The following C7 variants were observed in gnomAD, a reference collection of about 807,000 sequenced individuals.
The protein encoded by C7 is complement component C7.
Under a neutral mutation model 104.8 loss-of-function variants are expected in C7, and 83 were observed. The observed-to-expected ratio is 0.79, with a 90% CI of 0.66 to 0.95. The LOEUF is 0.95. Ranked by LOEUF, C7 falls within the 40% of genes least tolerant of loss-of-function variation. C7 has a pLI of 0.00. For missense variants in C7, 1,070 were observed against 1,011.2 expected, an observed-to-expected ratio of 1.06 and a Z score of -0.79; for synonymous variants, 415 against 360.6, an observed-to-expected ratio of 1.15 and a Z score of -1.71.
intron 1 of C7, among the ~76,000 whole-genome samples, chr5:40,913,274 GT>G (rs1739248293): frequency 4.6e-5 from 7 of 152,134 alleles, no homozygotes; most frequent in Admixed American, 4.6e-4. Flanking sequence ...ACGAGTACGG[GT>G]ATCTTTCTGA....
In C7 at chr5:40,979,887, C is replaced by A; in HGVS notation, c.2328C>A (p.Cys776Ter). 6.3e-7 allele frequency: 1 copy of A among 1,591,024 alleles called. No homozygotes were observed. The highest frequency in any genetic ancestry group is 8.6e-7 in the Non-Finnish European group (1 of 1,166,110). The change falls in exon 17 of 18, where the codon TGC becomes TGA. Residue 776 changes from cysteine (C) to a stop codon, truncating the protein, a stop_gained. Coordinates refer to ENST00000313164, the MANE Select transcript of C7 (RefSeq NM_000587.4). LOFTEE classifies it low-confidence loss of function (END_TRUNC). ...CAGCTGAGAAAGCTTGTGGTGCCTGCCCACTGTGGGGAAAATGTGATGGTA... is the reference window on the plus strand; with the variant it reads ...CAGCTGAGAAAGCTTGTGGTGCCTGACCACTGTGGGGAAAATGTGATGGTA... Reference protein sequence around the residue: ...PASAEKACGACPLWGKCDAES... With the variant: ...PASAEKACGA
chr5:40,933,234 A>G (rs1395475426), intron 3 of C7, among the ~76,000 whole-genome samples: 2 of 152,122 alleles, frequency 1.3e-5, no homozygotes, highest in African/African-American at 4.8e-5. Context: ...CCCTCATGCC[A>G]AGGAATTCCC....
chr5:40,936,973 T>C (rs1263937982), intron 5 of C7, among the ~76,000 whole-genome samples: 1 of 152,120 alleles, frequency 6.6e-6, no homozygotes, highest in South Asian at 2.1e-4. Flanking sequence ...GGTTGGAAAA[T>C]ACTGTGTTTA....
Position 40,934,365 on chromosome 5 carries a change from G to A in C7, c.179G>A (p.Gly60Asp), listed in dbSNP as rs753515748. 3.1e-6 allele frequency: 5 copies of A among 1,613,606 alleles called. No individual in the cohort carries two copies. The highest frequency in any genetic ancestry group is 3.3e-5 in the Admixed American group (2 of 59,966). Residue 60 changes from glycine (G) to aspartate (D), a missense_variant, in exon 4 of 18, where the codon GGC (glycine) becomes GAC (aspartate). Coordinates refer to ENST00000313164, the MANE Select transcript of C7 (RefSeq NM_000587.4). Reference sequence around the variant, plus strand: ...GTTGCTGTGTATGGGCAGTATGGAGGCCAGCCTTGTGTTGGAAATGCTTTT... The same window carrying A: ...GTTGCTGTGTATGGGCAGTATGGAGACCAGCCTTGTGTTGGAAATGCTTTT... ...RSVAVYGQYGGQPCVGNAFET... is the reference protein window; with the variant it reads ...RSVAVYGQYGDQPCVGNAFET...
rs557269787 is a variant in C7, at chr5:40,955,435, G to T, written c.1142G>T (p.Gly381Val). Reference protein sequence around the residue: ...LRGEPFIRGGGAGFISGLSYL... With the variant: ...LRGEPFIRGGVAGFISGLSYL... The stretch of plus-strand genomic sequence containing the variant: ...GGAGAACCGTTCATCAGAGGGGGAG[G>T]TGCAGGCTTCATATCTGGCCTTAGT... Residue 381 changes from glycine (G) to valine (V), a missense_variant, in exon 10 of 18, where the codon GGT becomes GTT. Coordinates refer to ENST00000313164, the MANE Select transcript of C7 (RefSeq NM_000587.4). The T allele has an allele frequency of 2.0e-5, 32 of 1,612,696 alleles. No individual in the cohort carries two copies. The South Asian group carries it at 3.3e-4, about 17-fold the overall frequency.
intron 11 of C7, among the ~76,000 whole-genome samples, 177 bp from the exon 12 acceptor site, chr5:40,959,272 A>G (rs945816047): frequency 2.0e-5 from 3 of 152,244 alleles, no homozygotes; most frequent in Admixed American, 6.5e-5. Flanking sequence ...TAATATGGAC[A>G]TTCCTAGTCT....
intron 6 of C7, among the ~76,000 whole-genome samples, chr5:40,944,929 A>G (rs1490911772): frequency 1.3e-5 from 2 of 152,356 alleles, no homozygotes; most frequent in South Asian, 4.1e-4. Flanking sequence ...TGCTGACATT[A>G]AAGGAACATG....
chr5:40,981,440 A>G lies in C7; in HGVS notation c.2399A>G (p.Glu800Gly), dbSNP rs747707439. ...VCREASECEE[E>G]GFSICVEVNG... ...CGAGAAGCATCGGAGTGCGAGGAAG[A>G]AGGGTTTAGCATTTGTGTGGAAGTG... The change falls in exon 18 of 18, where the codon GAA (glutamate) becomes GGA (glycine). Residue 800 changes from glutamate to glycine, a missense_variant. Glu to Gly is a moderately conservative substitution (Grantham distance 98, BLOSUM62 -2). Coordinates refer to ENST00000313164, the MANE Select transcript of C7 (RefSeq NM_000587.4). The G allele has an allele frequency of 6.8e-6, 11 of 1,613,502 alleles. No individual in the cohort carries two copies. The highest frequency in any genetic ancestry group is 9.3e-6 in the Non-Finnish European group (11 of 1,179,736).
At chr5:40,965,808 A>AT (rs926942680) in intron 14 of C7, among the ~76,000 whole-genome samples, 4 of 151,378 alleles carry the variant, frequency 2.6e-5, no homozygotes, top group African/African-American at 9.7e-5. Flanking sequence ...CACTCTGCTA[A>AT]TTTTTTGTAT....
At chr5:40,952,365 T>C (rs1285029275) in intron 9 of C7, among the ~76,000 whole-genome samples, 1 of 152,166 alleles carries the variant, frequency 6.6e-6, no homozygotes, top group African/African-American at 2.4e-5. Flanking sequence ...TTGACTTGCA[T>C]TGGGCTGCCT....
chr5:40,936,183 A>T (rs1739810853), intron 4 of C7, among the ~76,000 whole-genome samples, 155 bp from the exon 5 acceptor site: 2 of 152,146 alleles, frequency 1.3e-5, no homozygotes. Context: ...CAAAATACTC[A>T]CTAGTCCTTT....
intron 1 of C7, among the ~76,000 whole-genome samples, chr5:40,926,824 C>G (rs932201699): frequency 6.6e-6 from 1 of 152,084 alleles, no homozygotes; most frequent in African/African-American, 2.4e-5. Context: ...GTCCATACTA[C>G]CACAGTGATC....
chr5:40,958,912 A>C (rs1740360620), intron 11 of C7, among the ~76,000 whole-genome samples: 1 of 152,324 alleles, frequency 6.6e-6, no homozygotes, highest in South Asian at 2.1e-4. Context: ...CATAGAAGTC[A>C]CTAAATGAAC....
At chr5:40,953,250 C>T (rs1740215117) in intron 9 of C7, among the ~76,000 whole-genome samples, 1 of 152,044 alleles carries the variant, frequency 6.6e-6, no homozygotes, top group Admixed American at 6.6e-5. Flanking sequence ...AAATTGATCT[C>T]ATGGAGATAG....
At chr5:40,971,463 T>C (rs1740696036) in intron 14 of C7, among the ~76,000 whole-genome samples, 1 of 152,232 alleles carries the variant, frequency 6.6e-6, no homozygotes. Context: ...TTTGTTTAAG[T>C]TCCCTGTAGA....
chr5:40,970,857 T>C (rs1740683909), intron 14 of C7, among the ~76,000 whole-genome samples: 1 of 152,152 alleles, frequency 6.6e-6, no homozygotes, highest in South Asian at 2.1e-4. Flanking sequence ...GAACATGCAT[T>C]TTCTGTTCCT....
chr5:40,920,190 G>C (rs889664759), intron 1 of C7, among the ~76,000 whole-genome samples: 3 of 151,970 alleles, frequency 2.0e-5, no homozygotes, highest in Non-Finnish European at 2.9e-5. Context: ...CTAAGAAGAA[G>C]TGGTTAAATT....
chr5:40,927,969 T>A (rs1561239873), intron 1 of C7, among the ~76,000 whole-genome samples: 1 of 152,118 alleles, frequency 6.6e-6, no homozygotes, highest in Non-Finnish European at 1.5e-5. Flanking sequence ...AAATGTTCAT[T>A]TTAGCACTAT....
chr5:40,974,256 C>T lies in C7; in HGVS notation c.2074+1662C>T, dbSNP rs900349431. Among the ~76,000 whole-genome samples, 9 of 152,064 alleles carry T rather than the reference C, an allele frequency of 5.9e-5. No homozygotes were observed. The East Asian group carries it at 7.7e-4, about 13-fold the overall frequency. ...GTTAGTCTTGATGGGAATAAATTTGCTTTTAAAATAGCAAAAGCACATACT... is the reference window on the plus strand; with the variant it reads ...GTTAGTCTTGATGGGAATAAATTTGTTTTTAAAATAGCAAAAGCACATACT... On this transcript the variant is annotated intron_variant, in intron 15 of 17. Coordinates refer to ENST00000313164, the MANE Select transcript of C7 (RefSeq NM_000587.4).
Sources: allele counts gnomAD v4.1 joint callset (sites outside exome capture counted in the v4.1 genomes callset), GRCh38; gene constraint gnomAD v4.1.1; transcripts MANE v1.5; gene names NCBI Gene and HGNC (gene_info 2026-07-23, HGNC 2026-07-21).